The following TENM3 variants were observed in gnomAD, a reference collection of about 807,000 sequenced individuals.
TENM3 encodes teneurin transmembrane protein 3.
A neutral mutation model predicts 255.1 loss-of-function variants in TENM3; 63 were observed. The observed-to-expected ratio is 0.25, with a 90% CI of 0.20 to 0.30. TENM3 has a LOEUF of 0.30. TENM3 is among the 10% of genes least tolerant of loss of function. The pLI is 1.00. For missense variants in TENM3, 2,929 were observed against 3,461.1 expected (o/e 0.85, Z 3.86); for synonymous variants, 1,306 against 1,322.3 (o/e 0.99, Z 0.27).
chr4:181,844,586 T>C, the TENM3 span, among the ~76,000 whole-genome samples: 1 of 151,428 alleles, frequency 6.6e-6, no homozygotes, highest in Non-Finnish European at 1.5e-5. Flanking sequence ...GAGAATGGCG[T>C]GAACCCGGGA....
At chr4:181,946,774 A>T in the TENM3 span, among the ~76,000 whole-genome samples, 10 of 152,332 alleles carry the variant, frequency 6.6e-5, no homozygotes, top group Non-Finnish European at 1.2e-4. Context: ...TGTTACGTGT[A>T]TTTATGATTT....
chr4:181,561,720 C>T, the TENM3 span, among the ~76,000 whole-genome samples: 1 of 152,138 alleles, frequency 6.6e-6, no homozygotes, highest in South Asian at 2.1e-4. Context: ...GTTGGACTTC[C>T]TATTATTAAT....
the TENM3 span, among the ~76,000 whole-genome samples, chr4:181,662,430 A>G: frequency 6.6e-3 from 1,008 of 152,250 alleles, 11 homozygotes; most frequent in African/African-American, 0.023. Flanking sequence ...TTTTAATATG[A>G]TATATGTCCT....
the TENM3 span, among the ~76,000 whole-genome samples, chr4:181,493,288 C>T: frequency 8.2e-6 from 1 of 121,336 alleles, no homozygotes. Context: ...AGGGCAAGAA[C>T]CAGTCTCTAA....
At chr4:182,020,402 G>A in the TENM3 span, among the ~76,000 whole-genome samples, 10 of 151,916 alleles carry the variant, frequency 6.6e-5, no homozygotes, top group African/African-American at 2.4e-4. Flanking sequence ...AAAGTAATCT[G>A]GGGGAAAGGG....
chr4:182,446,226 C>G (rs533627964), intron 3 of TENM3, among the ~76,000 whole-genome samples: 2 of 152,276 alleles, frequency 1.3e-5, no homozygotes, highest in East Asian at 3.9e-4. Flanking sequence ...CCATCTTTGT[C>G]TAATTTGGAA....
chr4:181,534,330 T>C, the TENM3 span, among the ~76,000 whole-genome samples: 1 of 152,170 alleles, frequency 6.6e-6, no homozygotes, highest in East Asian at 1.9e-4. Flanking sequence ...AGAGTTTGAC[T>C]TGTCCAAAGT....
intron 3 of TENM3, among the ~76,000 whole-genome samples, chr4:182,534,329 C>T (rs1470336396): frequency 6.6e-6 from 1 of 151,894 alleles, no homozygotes; most frequent in Middle Eastern, 3.2e-3. Context: ...CTATTTGTAC[C>T]CCAGAGGACA....
At chr4:182,499,635 C>T (rs1736132958) in intron 3 of TENM3, among the ~76,000 whole-genome samples, 1 of 152,192 alleles carries the variant, frequency 6.6e-6, no homozygotes, top group Non-Finnish European at 1.5e-5. Flanking sequence ...AATTTCCCAT[C>T]ATCTTCATTA....
the TENM3 span, among the ~76,000 whole-genome samples, chr4:181,724,348 T>TC: frequency 6.6e-6 from 1 of 152,162 alleles, no homozygotes; most frequent in South Asian, 2.1e-4. Flanking sequence ...GTCCATTTTC[T>TC]CTTTTTTTTT....
chr4:182,160,034 G>A lies in TENM3; in HGVS notation c.-76+15280G>A, dbSNP rs563834087. Among the ~76,000 whole-genome samples, 15 of 138,906 alleles carry A rather than the reference G, an allele frequency of 1.1e-4. 1 individual carries two copies. The highest frequency in any genetic ancestry group is 3.3e-4 in the African/African-American group (13 of 39,920). The allele number at this position is 138,906 out of a possible 152,430, so 91.1% of individuals were successfully genotyped here. On this transcript the variant is annotated intron_variant, in intron 1 of 2. Coordinates refer to the TENM3 transcript ENST00000512480. ...GTTCTTTTTTTTGAGACGGAGTCTC[G>A]CTCTGTCGCCCAGGCTGGAGTGCAG... is the stretch of plus-strand genomic sequence containing the variant.
the TENM3 span, among the ~76,000 whole-genome samples, chr4:181,890,278 G>A: frequency 6.6e-6 from 1 of 152,122 alleles, no homozygotes; most frequent in South Asian, 2.1e-4. Context: ...TCAGCCCAAG[G>A]GGTGCATGCT....
rs1023393661 is a variant in TENM3, at chr4:182,166,185, C to G, written c.-76+21431C>G. On this transcript the variant is annotated intron_variant, in intron 1 of 2. Transcript: ENST00000512480. ...TTAATGTGGCTGTTTCGTAAAGATA[C>G]CTTCTCAGAGACATCGTCAAAGAGC... is the stretch of plus-strand genomic sequence containing the variant. Among the ~76,000 whole-genome samples the G allele has an allele frequency of 3.3e-5, 5 of 152,334 alleles. No individual in the cohort carries two copies. The South Asian group carries it at 8.3e-4, about 25-fold the overall frequency.
the TENM3 span, among the ~76,000 whole-genome samples, chr4:181,800,882 A>T: frequency 1.4e-4 from 21 of 152,276 alleles, no homozygotes; most frequent in Admixed American, 1.3e-3. Context: ...ATGCCGGTGT[A>T]TTTCTTGAAT....
intron 3 of TENM3, among the ~76,000 whole-genome samples, chr4:182,389,386 A>G (rs1309187187): frequency 9.3e-5 from 1 of 10,756 alleles, no homozygotes; most frequent in Non-Finnish European, 7.0e-4. Context: ...GTAGATGGAA[A>G]AAAAAAAAAA....
intron 2 of TENM3, among the ~76,000 whole-genome samples, chr4:182,328,646 T>G (rs2675523): frequency 0.97 from 147,545 of 152,262 alleles, 71,502 homozygotes; most frequent in South Asian, 0.99. Flanking sequence ...AGGCACTGAT[T>G]GATTTCTAAG....
intron 2 of TENM3, among the ~76,000 whole-genome samples, chr4:182,329,452 C>G (rs1763621238): frequency 6.6e-6 from 1 of 152,106 alleles, no homozygotes; most frequent in Admixed American, 6.5e-5. Flanking sequence ...CTAAGAAAAC[C>G]AAATAGTAGA....
chr4:182,774,801 T>A (rs1764540910), intron 23 of TENM3, 117 bp from the exon 24 acceptor site: 1 of 668,058 alleles, frequency 1.5e-6, no homozygotes. Context: ...AAGGACATCA[T>A]CAGGTACTCC....
chr4:182,100,974 G>A, the TENM3 span, among the ~76,000 whole-genome samples: 4 of 140,520 alleles, frequency 2.8e-5, no homozygotes, highest in Non-Finnish European at 4.6e-5. Flanking sequence ...AGCCCTGGGA[G>A]GTCTAGGCTG....
Sources: gnomAD v4.1 joint callset for allele counts (sites outside exome capture counted in the v4.1 genomes callset) on GRCh38, gnomAD v4.1.1 for gene constraint, MANE v1.5 for transcripts, NCBI Gene and HGNC (gene_info 2026-07-23, HGNC 2026-07-21) for gene names.